The following GRM1 variants were observed in gnomAD, a reference collection of about 807,000 sequenced individuals.
GRM1 encodes the protein glutamate metabotropic receptor 1, also known as metabotropic glutamate receptor 1.
In GRM1, 33 loss-of-function variants were observed where a neutral mutation model predicts 90.9. That is an observed-to-expected ratio of 0.36 (90% confidence interval 0.28 to 0.49). GRM1 has a LOEUF of 0.49. Among genes scored for constraint, GRM1 ranks in the 20% least tolerant of loss-of-function variants. The pLI is 0.99. For missense variants in GRM1, 1,190 were observed against 1,534.3 expected (o/e 0.78, Z 3.75); for synonymous variants, 700 against 613.2 (o/e 1.14, Z -2.09).
chr6:146,116,695 T>G (rs1040933680), intron 1 of GRM1, among the ~76,000 whole-genome samples: 3 of 152,106 alleles, frequency 2.0e-5, no homozygotes, highest in African/African-American at 7.2e-5. Flanking sequence ...TTGATAAAAT[T>G]TACCAGTTAA....
chr6:146,215,441 T>A (rs1437090681), intron 2 of GRM1, among the ~76,000 whole-genome samples: 1 of 152,138 alleles, frequency 6.6e-6, no homozygotes, highest in Non-Finnish European at 1.5e-5. Flanking sequence ...TTCCTAATAT[T>A]ACAAATCTAT....
chr6:146,033,102 A>T lies in GRM1; in HGVS notation c.700+2885A>T, dbSNP rs113425795. Among the ~76,000 whole-genome samples, 607 of 152,262 alleles carry T rather than the reference A, an allele frequency of 4.0e-3. 2 individuals carry two copies. The highest frequency in any genetic ancestry group is 0.014 in the African/African-American group (577 of 41,554). On this transcript the variant is annotated intron_variant, in intron 1 of 7. Transcript: ENST00000282753. ...AAAGAAAATCAGTACACATAAAGTT[A>T]CCTGCAATGCAATAGACTCTCCAGA...
intron 3 of GRM1, among the ~76,000 whole-genome samples, chr6:146,328,334 TA>T (rs1483337322): frequency 6.6e-6 from 1 of 152,038 alleles, no homozygotes; most frequent in Non-Finnish European, 1.5e-5. Flanking sequence ...GACATACACA[TA>T]AAGACACACT....
intron 1 of GRM1, among the ~76,000 whole-genome samples, chr6:146,034,308 A>T (rs1368146511): frequency 6.6e-6 from 1 of 151,982 alleles, no homozygotes; most frequent in Non-Finnish European, 1.5e-5. Flanking sequence ...TCAATGAATA[A>T]TCTCTCTTTT....
At chr6:146,039,887 G>A (rs1354894405) in intron 1 of GRM1, among the ~76,000 whole-genome samples, 4 of 152,060 alleles carry the variant, frequency 2.6e-5, no homozygotes, top group East Asian at 1.9e-4. Flanking sequence ...AAGAGAAATC[G>A]CAGACTGGGA....
At chr6:146,337,138 G>A (rs564266677) in intron 3 of GRM1, among the ~76,000 whole-genome samples, 55 of 152,284 alleles carry the variant, frequency 3.6e-4, no homozygotes, top group African/African-American at 1.3e-3. Flanking sequence ...ATGTGGAGAT[G>A]TGCGGTACAG....
At chr6:146,203,281 T>G (rs528554074) in intron 2 of GRM1, among the ~76,000 whole-genome samples, 10 of 152,266 alleles carry the variant, frequency 6.6e-5, no homozygotes, top group African/African-American at 2.2e-4. Flanking sequence ...AGGAGTTTAT[T>G]TCCTGGTCAT....
intron 2 of GRM1, among the ~76,000 whole-genome samples, chr6:146,250,296 C>T (rs552216439): frequency 1.6e-4 from 24 of 152,266 alleles, no homozygotes; most frequent in African/African-American, 5.5e-4. Flanking sequence ...TGGCTCTGTG[C>T]TGCCACCCAC....
intron 7 of GRM1, among the ~76,000 whole-genome samples, chr6:146,417,330 G>T (rs909954273): frequency 1.2e-4 from 19 of 152,142 alleles, no homozygotes; most frequent in African/African-American, 4.1e-4. Context: ...GAGTTAGTTT[G>T]CCCTGGGGTA....
At chr6:146,035,216 T>C (rs764671083) in intron 1 of GRM1, among the ~76,000 whole-genome samples, 2 of 151,932 alleles carry the variant, frequency 1.3e-5, no homozygotes, top group African/African-American at 4.8e-5. Context: ...CAGAAGTAAG[T>C]CCTAATATTC....
chr6:146,323,151 G>A (rs1174627240), intron 3 of GRM1, among the ~76,000 whole-genome samples: 3 of 152,084 alleles, frequency 2.0e-5, no homozygotes, highest in Non-Finnish European at 4.4e-5. Flanking sequence ...GGCGTTTCCA[G>A]TTCTAGATCC....
intron 2 of GRM1, among the ~76,000 whole-genome samples, chr6:146,166,689 A>G (rs1266347414): frequency 6.6e-6 from 1 of 152,096 alleles, no homozygotes; most frequent in African/African-American, 2.4e-5. Flanking sequence ...ACATAACTCA[A>G]GGTTATGAGT....
intron 2 of GRM1, among the ~76,000 whole-genome samples, chr6:146,213,035 A>G (rs1231725716): frequency 6.6e-6 from 1 of 151,958 alleles, no homozygotes; most frequent in Non-Finnish European, 1.5e-5. Flanking sequence ...ATTTGGGGTA[A>G]TTGGTATAAT....
chr6:146,028,818 GA>G (rs576623123), upstream of GRM1, among the ~76,000 whole-genome samples: 1 of 152,034 alleles, frequency 6.6e-6, no homozygotes, highest in Admixed American at 6.5e-5. Flanking sequence ...ATTTTCTTCT[GA>G]AAAAAAGTTG....
intron 1 of GRM1, among the ~76,000 whole-genome samples, chr6:146,107,207 A>G (rs1408721102): frequency 6.6e-6 from 1 of 152,180 alleles, no homozygotes; most frequent in Non-Finnish European, 1.5e-5. Flanking sequence ...AATTTTTTCT[A>G]TGAATATTTA....
At chr6:146,088,854 A>G (rs12192366) in intron 1 of GRM1, among the ~76,000 whole-genome samples, 14,055 of 152,146 alleles carry the variant, frequency 0.092, 818 homozygotes, top group South Asian at 0.14. Context: ...ATCAAGTGCT[A>G]CATCCCTAAT....
Position 146,346,972 on chromosome 6 carries a change from G to A in GRM1, c.1187-5278G>A, listed in dbSNP as rs564204473. On this transcript the variant is annotated intron_variant, in intron 3 of 7. Coordinates refer to ENST00000282753, the MANE Select transcript of GRM1 (RefSeq NM_001278064.2). ...TTGCTTTATGAGGAGATAGAATAAC[G>A]CGGTGTTTGTTCTTTTAATTTGAAG... 3.9e-5 allele frequency among the ~76,000 whole-genome samples: 6 copies of A among 152,218 alleles called. No individual in the cohort carries two copies. In the Middle Eastern group the frequency reaches 0.01, roughly 259 times the overall value.
chr6:146,387,384 G>A (rs1776547255), intron 6 of GRM1, among the ~76,000 whole-genome samples: 1 of 151,912 alleles, frequency 6.6e-6, no homozygotes, highest in African/African-American at 2.4e-5. Context: ...AAATAGAAAA[G>A]TAAATGTCCC....
chr6:146,099,210 A>C (rs1052948868), intron 1 of GRM1, among the ~76,000 whole-genome samples: 2 of 152,096 alleles, frequency 1.3e-5, no homozygotes, highest in Non-Finnish European at 2.9e-5. Context: ...AACACAGCAA[A>C]ACCCTGTCTC....
Sources: allele counts gnomAD v4.1 joint callset (sites outside exome capture counted in the v4.1 genomes callset), GRCh38; gene constraint gnomAD v4.1.1; transcripts MANE v1.5; gene names NCBI Gene and HGNC (gene_info 2026-07-23, HGNC 2026-07-21).